Variants in MAPK10 observed in about 807,000 individuals in gnomAD.
MAPK10 encodes the protein mitogen-activated protein kinase 10.
Under a neutral mutation model 59.3 loss-of-function variants are expected in MAPK10, and 25 were observed. That is an observed-to-expected ratio of 0.42 (90% CI 0.31 to 0.59). The LOEUF (loss-of-function observed/expected upper bound fraction) is 0.59. Ranked by LOEUF, MAPK10 falls within the 20% of genes least tolerant of loss-of-function variation. MAPK10 has a pLI of 0.15. For missense variants in MAPK10, 351 were observed against 568.9 expected (o/e 0.62, Z 3.90); for synonymous variants, 190 against 200.5 (o/e 0.95, Z 0.44).
At chr4:86,205,995 G>A (rs1582772632) in intron 2 of MAPK10, among the ~76,000 whole-genome samples, 1 of 151,734 alleles carries the variant, frequency 6.6e-6, no homozygotes, top group East Asian at 1.9e-4. Flanking sequence ...CATACGAATT[G>A]AAAAAAACAA....
At chr4:86,338,424 A>T (rs1246948935) in intron 2 of MAPK10, among the ~76,000 whole-genome samples, 1 of 152,084 alleles carries the variant, frequency 6.6e-6, no homozygotes, top group Non-Finnish European at 1.5e-5. Flanking sequence ...AGTTCCCCTA[A>T]TAAGTGTTTT....
At chr4:86,582,291 C>A (rs1006476946) in intron 1 of MAPK10, among the ~76,000 whole-genome samples, 1 of 150,964 alleles carries the variant, frequency 6.6e-6, no homozygotes, top group African/African-American at 2.4e-5. Flanking sequence ...TTTTTGTTTA[C>A]TTTGTTATAA....
At chr4:86,207,763 G>A (rs1216230407) in intron 2 of MAPK10, among the ~76,000 whole-genome samples, 3 of 151,960 alleles carry the variant, frequency 2.0e-5, no homozygotes, top group Non-Finnish European at 4.4e-5. Context: ...AGTCCTTCAT[G>A]TCCCTTGTAA....
intron 5 of MAPK10, 55 bp downstream of exon 5, chr4:86,107,168 T>C: frequency 6.8e-7 from 1 of 1,466,070 alleles, no homozygotes; most frequent in Non-Finnish European, 9.4e-7. Context: ...ACACATTTTC[T>C]TTTTCCAATC....
At chr4:86,541,257 T>C (rs1264733503) in intron 1 of MAPK10, among the ~76,000 whole-genome samples, 1 of 152,002 alleles carries the variant, frequency 6.6e-6, no homozygotes, top group Non-Finnish European at 1.5e-5. Flanking sequence ...CCAGGGGTAG[T>C]TGGTTCTCAG....
chr4:86,540,376 T>A (rs1386861378), intron 1 of MAPK10, among the ~76,000 whole-genome samples: 1 of 152,070 alleles, frequency 6.6e-6, no homozygotes, highest in Non-Finnish European at 1.5e-5. Flanking sequence ...GTCGCACACC[T>A]GTGGTCCCAA....
chr4:86,344,543 T>G (rs901759122), intron 2 of MAPK10, among the ~76,000 whole-genome samples: 7 of 152,048 alleles, frequency 4.6e-5, no homozygotes, highest in Admixed American at 6.6e-5. Flanking sequence ...GAAATTTATC[T>G]TTGTTTCTGC....
chr4:86,311,836 A>G (rs1418143466), intron 2 of MAPK10, among the ~76,000 whole-genome samples: 2 of 152,164 alleles, frequency 1.3e-5, no homozygotes, highest in African/African-American at 4.8e-5. Context: ...ACTGTATTTC[A>G]TAAGAAACAA....
chr4:86,215,063 T>C (rs1164496314), intron 2 of MAPK10, among the ~76,000 whole-genome samples: 2 of 152,114 alleles, frequency 1.3e-5, no homozygotes, highest in African/African-American at 4.8e-5. Flanking sequence ...TAAAGACTGA[T>C]GTATAGATCA....
At chr4:86,060,420 G>A (rs1270003833) in intron 11 of MAPK10, among the ~76,000 whole-genome samples, 1 of 152,120 alleles carries the variant, frequency 6.6e-6, no homozygotes, top group Non-Finnish European at 1.5e-5. Context: ...AAAAAAAATA[G>A]TTACAGCTTA....
At chr4:86,054,381 G>A (rs1036305920) in intron 11 of MAPK10, among the ~76,000 whole-genome samples, 4 of 152,068 alleles carry the variant, frequency 2.6e-5, no homozygotes, top group African/African-American at 7.2e-5. Context: ...AAAACAATCC[G>A]AAGGCAATTC....
At chr4:86,433,283 C>G (rs1468962685) in intron 1 of MAPK10, among the ~76,000 whole-genome samples, 2 of 152,134 alleles carry the variant, frequency 1.3e-5, no homozygotes, top group Non-Finnish European at 1.5e-5. Context: ...CAGGAGCTGC[C>G]TCCCCAACCC....
intron 2 of MAPK10, among the ~76,000 whole-genome samples, chr4:86,348,041 A>G (rs1305194190): frequency 6.6e-6 from 1 of 152,188 alleles, no homozygotes; most frequent in Non-Finnish European, 1.5e-5. Context: ...TCTCTTATTC[A>G]TCTCATTTGT....
At chr4:86,442,756 T>G (rs1437052704) in intron 1 of MAPK10, among the ~76,000 whole-genome samples, 1 of 152,202 alleles carries the variant, frequency 6.6e-6, no homozygotes, top group Non-Finnish European at 1.5e-5. Context: ...TTACCTGTGT[T>G]ACCGTATTCC....
chr4:86,430,340 G>C (rs185927930), intron 1 of MAPK10, among the ~76,000 whole-genome samples: 1 of 152,066 alleles, frequency 6.6e-6, no homozygotes, highest in African/African-American at 2.4e-5. Context: ...TCATTGGCAC[G>C]GTACTAAAGT....
At chr4:86,327,318 T>C (rs554974422) in intron 2 of MAPK10, 2 of 152,240 alleles carry the variant, frequency 1.3e-5, no homozygotes, top group South Asian at 4.2e-4. Flanking sequence ...TTGGAGACTT[T>C]GAATATTCCA....
intron 2 of MAPK10, among the ~76,000 whole-genome samples, chr4:86,250,826 A>T (rs1583495137): frequency 6.6e-6 from 1 of 152,180 alleles, no homozygotes; most frequent in East Asian, 1.9e-4. Context: ...AGTGGTCATG[A>T]GCTACAACAC....
At chr4:86,532,468 G>C (rs1200244360) in intron 1 of MAPK10, among the ~76,000 whole-genome samples, 3 of 152,086 alleles carry the variant, frequency 2.0e-5, no homozygotes, top group Non-Finnish European at 4.4e-5. Flanking sequence ...ATTCCATAAA[G>C]CCCCAACCAA....
At chr4:86,234,886 T>C (rs1372811704) in intron 2 of MAPK10, among the ~76,000 whole-genome samples, 1 of 152,174 alleles carries the variant, frequency 6.6e-6, no homozygotes, top group Non-Finnish European at 1.5e-5. Flanking sequence ...TGCCATTTTA[T>C]TTACTTGATA....
Sources: gnomAD v4.1 joint callset for allele counts (sites outside exome capture counted in the v4.1 genomes callset) on GRCh38, gnomAD v4.1.1 for gene constraint, MANE v1.5 for transcripts, NCBI Gene and HGNC (gene_info 2026-07-23, HGNC 2026-07-21) for gene names.